ADARB2: variants seen among roughly 807,000 people sequenced by gnomAD.
ADARB2 encodes inactive double-stranded RNA-specific editase B2.
A neutral mutation model predicts 62.2 loss-of-function variants in ADARB2; 25 were observed. That is an observed-to-expected ratio of 0.40 (90% CI 0.29 to 0.56). The LOEUF (loss-of-function observed/expected upper bound fraction) is 0.56, where lower values mean the gene tolerates loss of function less well. Ranked by LOEUF, ADARB2 falls within the 20% of genes least tolerant of loss-of-function variation. ADARB2 has a pLI of 0.43. For missense variants in ADARB2, 1,071 were observed against 1,077.4 expected (o/e 0.99, Z 0.08); for synonymous variants, 572 against 500.8 (o/e 1.14, Z -1.90).
At chr10:1,328,471 T>C (rs1281076746) in intron 3 of ADARB2, among the ~76,000 whole-genome samples, 1 of 152,220 alleles carries the variant, frequency 6.6e-6, no homozygotes, top group African/African-American at 2.4e-5. Flanking sequence ...ATCAACCACG[T>C]AACGTTCAGT....
intron 1 of ADARB2, among the ~76,000 whole-genome samples, chr10:1,523,058 CT>C (rs1832093306): frequency 6.6e-6 from 1 of 152,182 alleles, no homozygotes; most frequent in Admixed American, 6.5e-5. Flanking sequence ...TGACATCATC[CT>C]TTTGTTAGAA....
intron 1 of ADARB2, among the ~76,000 whole-genome samples, chr10:1,544,107 G>C (rs1430159635): frequency 6.6e-6 from 1 of 152,016 alleles, no homozygotes; most frequent in Non-Finnish European, 1.5e-5. Context: ...CCGTGGAGTA[G>C]AGCCGTCCCA....
chr10:1,559,684 C>T (rs953327870), intron 1 of ADARB2, among the ~76,000 whole-genome samples: 1 of 152,226 alleles, frequency 6.6e-6, no homozygotes, highest in Admixed American at 6.5e-5. Flanking sequence ...AAACAAATGC[C>T]TCGCTTAGCG....
chr10:1,698,892 C>CT (rs1834783553), intron 1 of ADARB2, among the ~76,000 whole-genome samples: 1 of 152,180 alleles, frequency 6.6e-6, no homozygotes. Context: ...TCCTGAGTAG[C>CT]TGGGATTACA....
Position 1,220,131 on chromosome 10 carries a change from GATA to G in ADARB2, c.1514-3015_1514-3013del, listed in dbSNP as rs534378867. On this transcript the variant is annotated intron_variant, in intron 6 of 9. Coordinates refer to ENST00000381312, the MANE Select transcript of ADARB2 (RefSeq NM_018702.4). Reference sequence around the variant, plus strand: ...TGGTGATGATGGTGATGATGGTGAAGATAATGATGGCAATGGTGATGATGGTGA... The same window carrying G: ...TGGTGATGATGGTGATGATGGTGAAGATGATGGCAATGGTGATGATGGTGA... 1.6e-3 allele frequency among the ~76,000 whole-genome samples: 242 copies of G among 149,278 alleles called. 2 individuals carry two copies. The highest frequency in any genetic ancestry group is 5.2e-3 in the African/African-American group (211 of 40,336).
At chr10:1,311,820 A>T (rs191209042) in intron 3 of ADARB2, among the ~76,000 whole-genome samples, 7 of 152,274 alleles carry the variant, frequency 4.6e-5, no homozygotes, top group Admixed American at 1.3e-4. Context: ...AGCTTAGTTA[A>T]ATGAAGCTCT....
At chr10:1,317,697 G>A (rs1425756648) in intron 3 of ADARB2, among the ~76,000 whole-genome samples, 1 of 149,170 alleles carries the variant, frequency 6.7e-6, no homozygotes, top group Non-Finnish European at 1.5e-5. Flanking sequence ...TGAGGGCTCC[G>A]TGCCCCTGGG....
rs1027634491 is a variant in ADARB2 at position 1,455,063 on chromosome 10, T to A, written c.101-75903A>T. Among the ~76,000 whole-genome samples the A allele has an allele frequency of 3.9e-5, 6 of 152,332 alleles. 1 individual carries two copies. The highest frequency in any genetic ancestry group is 3.9e-4 in the Admixed American group (6 of 15,308). ...CTCCTTTAGGGCTTTTCCCCCTCAG[T>A]GGAAAGAGTGGATACCTTGTCACTG... On this transcript the variant is annotated intron_variant, in intron 1 of 9. Transcript: ENST00000381312.
chr10:1,265,066 T>G (rs1405027185), intron 4 of ADARB2, among the ~76,000 whole-genome samples: 1 of 152,232 alleles, frequency 6.6e-6, no homozygotes, highest in Non-Finnish European at 1.5e-5. Context: ...CCTTGATGCC[T>G]GCTTCCAAAA....
chr10:1,526,140 C>T (rs951324322), intron 1 of ADARB2, among the ~76,000 whole-genome samples: 8 of 151,558 alleles, frequency 5.3e-5, no homozygotes, highest in African/African-American at 1.5e-4. Context: ...GGCAGCAGGG[C>T]GGTCTTGCAC....
rs1323308059 is a variant in ADARB2 at position 1,296,390 on chromosome 10, T to A, written c.1078-25321A>T. Among the ~76,000 whole-genome samples, 3 of 152,350 alleles carry A rather than the reference T, an allele frequency of 2.0e-5. No individual in the cohort carries two copies. In the East Asian group the frequency reaches 5.8e-4, roughly 29 times the overall value. ...CACTGCTGGTCTCTCACAGTAGAGA[T>A]GCTGCTTAACCCCATTATCGGAGGA... On this transcript the variant is annotated intron_variant, in intron 3 of 9. Coordinates refer to ENST00000381312, the MANE Select transcript of ADARB2 (RefSeq NM_018702.4).
At chr10:1,648,896 C>T (rs560016828) in intron 1 of ADARB2, among the ~76,000 whole-genome samples, 28 of 152,172 alleles carry the variant, frequency 1.8e-4, no homozygotes, top group Non-Finnish European at 4.0e-4. Context: ...GGGCAACTGA[C>T]GCTGACATTC....
At chr10:1,525,243 A>T (rs184241817) in intron 1 of ADARB2, among the ~76,000 whole-genome samples, 15 of 152,310 alleles carry the variant, frequency 9.8e-5, no homozygotes, top group African/African-American at 3.4e-4. Context: ...ACACGTGCAT[A>T]TGAGGTTACA....
chr10:1,579,142 C>A (rs1173846226), intron 1 of ADARB2, among the ~76,000 whole-genome samples: 2 of 152,172 alleles, frequency 1.3e-5, no homozygotes, highest in Admixed American at 6.5e-5. Context: ...CGCTTTATAT[C>A]AAGTACTTAG....
intron 1 of ADARB2, among the ~76,000 whole-genome samples, chr10:1,559,763 T>C (rs562840872): frequency 1.2e-4 from 18 of 152,324 alleles, no homozygotes; most frequent in African/African-American, 4.1e-4. Flanking sequence ...GGGTTTTCTG[T>C]AGATTTGACA....
intron 1 of ADARB2, among the ~76,000 whole-genome samples, chr10:1,419,331 T>C (rs1380540085): frequency 6.6e-6 from 1 of 152,166 alleles, no homozygotes; most frequent in African/African-American, 2.4e-5. Context: ...CCTGACCTCA[T>C]TTTATTGATC....
At chr10:1,265,095 G>C (rs148145301) in intron 4 of ADARB2, among the ~76,000 whole-genome samples, 1 of 152,326 alleles carries the variant, frequency 6.6e-6, no homozygotes, top group East Asian at 1.9e-4. Flanking sequence ...GAACTGGGAA[G>C]GATAAAGGAC....
chr10:1,587,263 C>T (rs1215025614), intron 1 of ADARB2, among the ~76,000 whole-genome samples: 1 of 152,118 alleles, frequency 6.6e-6, no homozygotes, highest in Non-Finnish European at 1.5e-5. Flanking sequence ...CATGAAGGCT[C>T]CAGAGATGTA....
At chr10:1,320,377 C>CT (rs1564256236) in intron 3 of ADARB2, among the ~76,000 whole-genome samples, 1 of 152,204 alleles carries the variant, frequency 6.6e-6, no homozygotes, top group East Asian at 1.9e-4. Context: ...GGTCTGGTAT[C>CT]TAGCATCTTT....
Sources: gnomAD v4.1 joint callset for allele counts (sites outside exome capture counted in the v4.1 genomes callset) on GRCh38, gnomAD v4.1.1 for gene constraint, MANE v1.5 for transcripts, NCBI Gene and HGNC (gene_info 2026-07-23, HGNC 2026-07-21) for gene names.